NBAS: variants seen among roughly 807,000 people sequenced by gnomAD.
NBAS encodes the protein NBAS subunit of NRZ tethering complex.
A neutral mutation model predicts 302.5 loss-of-function variants in NBAS; 219 were observed. The ratio of observed to expected loss-of-function variants is 0.72; its 90% CI spans 0.65 to 0.81. The LOEUF (loss-of-function observed/expected upper bound fraction) is 0.81. Ranked by LOEUF, NBAS falls within the 30% of genes least tolerant of loss-of-function variation. The pLI is 0.00. For synonymous variants in NBAS, 1,118 were observed against 1,021.6 expected (o/e 1.09, Z -1.80); for missense variants, 2,932 against 2,841.6 (o/e 1.03, Z -0.72).
intron 43 of NBAS, 135 bp from the exon 44 acceptor site, chr2:15,275,953 A>G: frequency 4.0e-6 from 3 of 757,416 alleles, no homozygotes; most frequent in Non-Finnish European, 4.3e-6. Context: ...TAGCTAGTTT[A>G]TATTTTCTAT....
At chr2:14,917,758 C>A in the NBAS span, among the ~76,000 whole-genome samples, 40,755 of 152,052 alleles carry the variant, frequency 0.27, 5,521 homozygotes, top group African/African-American at 0.32. Flanking sequence ...GTATCTGTTT[C>A]ATTTTATATG....
the NBAS span, among the ~76,000 whole-genome samples, chr2:14,820,815 A>C: frequency 6.6e-6 from 1 of 152,162 alleles, no homozygotes; most frequent in African/African-American, 2.4e-5. Flanking sequence ...TCCCATCAGG[A>C]GGGTCACCTC....
At chr2:14,992,549 C>A in the NBAS span, among the ~76,000 whole-genome samples, 1 of 152,300 alleles carries the variant, frequency 6.6e-6, no homozygotes, top group East Asian at 1.9e-4. Flanking sequence ...TCAAAAAATG[C>A]AAATGATATT....
rs565805327 is a variant in NBAS at position 15,215,097 on chromosome 2, T to A, written c.6432+3676A>T. Among the ~76,000 whole-genome samples the A allele has an allele frequency of 4.9e-4, 75 of 152,262 alleles. No individual in the cohort carries two copies. In the Middle Eastern group the frequency reaches 0.01, roughly 21 times the overall value. On this transcript the variant is annotated intron_variant, in intron 48 of 51. Coordinates refer to ENST00000281513, the MANE Select transcript of NBAS (RefSeq NM_015909.4). Reference sequence around the variant, plus strand: ...AATTACAAAAGCTGAAAAACTCAGATAAACCGTACTATGAGGATTAACACA... The same window carrying A: ...AATTACAAAAGCTGAAAAACTCAGAAAAACCGTACTATGAGGATTAACACA...
the NBAS span, among the ~76,000 whole-genome samples, chr2:14,800,402 G>A: frequency 2.0e-4 from 31 of 152,204 alleles, no homozygotes; most frequent in African/African-American, 4.8e-4. Context: ...CTTGCCTTCC[G>A]CCATGATTGT....
At chr2:15,067,159 C>CAAAAAAAAAA in the NBAS span, among the ~76,000 whole-genome samples, 4 of 93,344 alleles carry the variant, frequency 4.3e-5, no homozygotes, top group Non-Finnish European at 6.0e-5. Flanking sequence ...CTTATCTCCA[C>CAAAAAAAAAA]AAAAAAAAAA....
chr2:15,004,564 C>T, the NBAS span, among the ~76,000 whole-genome samples: 2 of 152,002 alleles, frequency 1.3e-5, no homozygotes, highest in Non-Finnish European at 2.9e-5. Flanking sequence ...TGCAGTGGCA[C>T]GATCATGGCT....
At chr2:15,234,825 T>C in intron 45 of NBAS, 78 bp from the exon 46 acceptor site, 1 of 1,435,932 alleles carries the variant, frequency 7.0e-7, no homozygotes, top group Non-Finnish European at 9.8e-7. Flanking sequence ...GAAACATATT[T>C]AGATCCTCGA....
At chr2:15,083,185 T>C in the NBAS span, among the ~76,000 whole-genome samples, 2 of 152,224 alleles carry the variant, frequency 1.3e-5, no homozygotes, top group Non-Finnish European at 2.9e-5. Flanking sequence ...CCTGGGTACC[T>C]GGCTGGACTG....
chr2:15,542,353 T>C (rs1663888205), intron 6 of NBAS, among the ~76,000 whole-genome samples: 1 of 104,358 alleles, frequency 9.6e-6, no homozygotes, highest in African/African-American at 3.7e-5. Flanking sequence ...CTCTGAAACA[T>C]GTGCTGTGTC....
chr2:14,907,292 C>T, the NBAS span, among the ~76,000 whole-genome samples: 2 of 152,300 alleles, frequency 1.3e-5, no homozygotes, highest in Middle Eastern at 3.4e-3. Context: ...GTCCTCTGTT[C>T]GGAAGATGGG....
the NBAS span, among the ~76,000 whole-genome samples, chr2:15,094,755 C>G: frequency 6.6e-6 from 1 of 152,158 alleles, no homozygotes; most frequent in African/African-American, 2.4e-5. Flanking sequence ...CCCGCCGGCC[C>G]TTTGCAGTCT....
At chr2:15,054,592 A>G in the NBAS span, among the ~76,000 whole-genome samples, 1 of 152,180 alleles carries the variant, frequency 6.6e-6, no homozygotes, top group Non-Finnish European at 1.5e-5. Context: ...GTTTATGTGC[A>G]CTGTACCCAA....
the NBAS span, among the ~76,000 whole-genome samples, chr2:15,118,959 G>A: frequency 6.6e-6 from 1 of 152,324 alleles, no homozygotes; most frequent in East Asian, 1.9e-4. Context: ...AACAAAAACA[G>A]AGAGGTAGTG....
At chr2:15,063,053 T>C in the NBAS span, among the ~76,000 whole-genome samples, 76,957 of 151,842 alleles carry the variant, frequency 0.51, 21,735 homozygotes, top group Non-Finnish European at 0.62. Context: ...TTTGTCTATG[T>C]TGCAAACTTC....
chr2:14,908,280 G>C, the NBAS span, among the ~76,000 whole-genome samples: 1 of 152,128 alleles, frequency 6.6e-6, no homozygotes, highest in Non-Finnish European at 1.5e-5. Flanking sequence ...GGAGAATGAC[G>C]TGAACCCGGG....
At chr2:15,401,667 G>C (rs751677376) in intron 26 of NBAS, among the ~76,000 whole-genome samples, 8 of 152,044 alleles carry the variant, frequency 5.3e-5, no homozygotes, top group Admixed American at 1.3e-4. Flanking sequence ...AATTTGACTT[G>C]CATACAACTA....
chr2:15,232,492 C>G lies in NBAS; in HGVS notation c.6166G>C (p.Gly2056Arg). 6.2e-7 allele frequency: 1 copy of G among 1,613,850 alleles called. No individual in the cohort carries two copies. The highest frequency in any genetic ancestry group is 8.5e-7 in the Non-Finnish European group (1 of 1,179,970). Residue 2056 changes from glycine (G) to arginine (R), a missense_variant, in exon 47 of 52, where the codon GGT (glycine) becomes CGT (arginine). By Grantham distance (125) the Gly-to-Arg change is moderately radical. Coordinates refer to ENST00000281513, the MANE Select transcript of NBAS (RefSeq NM_015909.4). ...ACCTTCAGTGGGTCCCTTGGCCCAC[C>G]AAGGTCAGCACTGCCACCACTGTGA... is the stretch of plus-strand genomic sequence containing the variant. ...SALSGGSADLGGPRDPLKVLE... is the reference protein window; with the variant it reads ...SALSGGSADLRGPRDPLKVLE...
chr2:15,123,749 C>T, the NBAS span, among the ~76,000 whole-genome samples: 1 of 152,210 alleles, frequency 6.6e-6, no homozygotes, highest in African/African-American at 2.4e-5. Flanking sequence ...CAGATCCCAG[C>T]ACCCTGTTTC....
Sources: allele counts gnomAD v4.1 joint callset (sites outside exome capture counted in the v4.1 genomes callset), GRCh38; gene constraint gnomAD v4.1.1; transcripts MANE v1.5; gene names NCBI Gene and HGNC (gene_info 2026-07-23, HGNC 2026-07-21).